CACHD1: variants seen among roughly 807,000 people sequenced by gnomAD.
CACHD1 encodes VWFA and cache domain-containing protein 1.
A neutral mutation model predicts 138.7 loss-of-function variants in CACHD1; 71 were observed. The ratio of observed to expected loss-of-function variants is 0.51; its 90% confidence interval spans 0.42 to 0.62. The LOEUF (loss-of-function observed/expected upper bound fraction) is 0.62, where lower values mean the gene tolerates loss of function less well. CACHD1 is among the 20% of genes least tolerant of loss of function. The pLI is 0.00. For synonymous variants in CACHD1, 578 were observed against 591.5 expected (o/e 0.98, Z 0.33); for missense variants, 1,389 against 1,625.3 (o/e 0.85, Z 2.50).
chr1:64,678,041 A>G lies in CACHD1; in HGVS notation c.3093-118A>G, dbSNP rs1650051739. 4 of 1,039,052 alleles carry G rather than the reference A, an allele frequency of 3.8e-6. No individual in the cohort carries two copies. The South Asian group carries it at 7.1e-5, about 18-fold the overall frequency. 64.4% of individuals were successfully genotyped at this position (1,039,052 alleles called of 1,614,324 possible). A position where few individuals can be genotyped will look rare whatever the true frequency, so the allele number is the denominator to read the frequency against. On this transcript the variant is annotated intron_variant, in intron 22 of 26. Coordinates refer to ENST00000651257, the MANE Select transcript of CACHD1 (RefSeq NM_020925.4). Reference sequence around the variant, plus strand: ...TATAAGGAAAGGAAACTAAAGCTCAAGAAATTCACAGCACTAGTAAGTAAT... The same window carrying G: ...TATAAGGAAAGGAAACTAAAGCTCAGGAAATTCACAGCACTAGTAAGTAAT...
chr1:64,673,827 G>C (rs1248724612), intron 19 of CACHD1, among the ~76,000 whole-genome samples: 1 of 152,116 alleles, frequency 6.6e-6, no homozygotes, highest in African/African-American at 2.4e-5. Context: ...AGATCACTCG[G>C]GCTCCTTAAA....
At chr1:64,677,701 A>G (rs1650042162) in intron 22 of CACHD1, among the ~76,000 whole-genome samples, 1 of 152,232 alleles carries the variant, frequency 6.6e-6, no homozygotes, top group Non-Finnish European at 1.5e-5. Context: ...TGAGACAGTC[A>G]CAATGCATGT....
intron 4 of CACHD1, among the ~76,000 whole-genome samples, chr1:64,619,505 A>C (rs964625044): frequency 5.3e-5 from 8 of 152,136 alleles, no homozygotes; most frequent in Admixed American, 5.2e-4. Flanking sequence ...ATTTTATGAT[A>C]TTACTTTGTC....
intron 4 of CACHD1, among the ~76,000 whole-genome samples, chr1:64,609,688 AT>A (rs1445379049): frequency 6.6e-6 from 1 of 152,196 alleles, no homozygotes; most frequent in African/African-American, 2.4e-5. Context: ...ATAAATACAA[AT>A]ATATATACAC....
intron 2 of CACHD1, among the ~76,000 whole-genome samples, chr1:64,568,196 C>T (rs899365215): frequency 1.3e-5 from 2 of 152,034 alleles, no homozygotes; most frequent in South Asian, 2.1e-4. Context: ...AAGTAAGTAC[C>T]TCCTAAATAA....
chr1:64,525,415 G>T (rs1251764922), intron 1 of CACHD1, among the ~76,000 whole-genome samples: 2 of 152,074 alleles, frequency 1.3e-5, no homozygotes, highest in African/African-American at 4.8e-5. Context: ...TTCCTCCCCG[G>T]TAAGATGAGC....
intron 16 of CACHD1, among the ~76,000 whole-genome samples, chr1:64,669,056 C>T (rs1329000921): frequency 6.6e-6 from 1 of 151,920 alleles, no homozygotes; most frequent in African/African-American, 2.4e-5. Flanking sequence ...GATATTAGAG[C>T]CTATCTCAAA....
chr1:64,560,100 A>G (rs114078621), intron 2 of CACHD1, among the ~76,000 whole-genome samples: 21 of 152,300 alleles, frequency 1.4e-4, no homozygotes, highest in African/African-American at 4.8e-4. Context: ...GATCAATAAA[A>G]TGGATCAACT....
intron 1 of CACHD1, among the ~76,000 whole-genome samples, chr1:64,489,876 G>T (rs553146144): frequency 6.6e-6 from 1 of 152,196 alleles, no homozygotes; most frequent in Non-Finnish European, 1.5e-5. Flanking sequence ...AAAAGGGGAA[G>T]TGTTATAATA....
chr1:64,617,176 G>A (rs1545103), intron 4 of CACHD1, among the ~76,000 whole-genome samples: 147,122 of 151,508 alleles, frequency 0.97, 71,593 homozygotes, highest in East Asian at 1. Flanking sequence ...AAAAAAACCA[G>A]CAAAACTATT....
chr1:64,549,980 G>A (rs1451379188), intron 1 of CACHD1, among the ~76,000 whole-genome samples: 1 of 152,118 alleles, frequency 6.6e-6, no homozygotes, highest in Non-Finnish European at 1.5e-5. Context: ...AGGGACCAGT[G>A]GAAGAATGTG....
chr1:64,635,414 C>T (rs1186724161), intron 7 of CACHD1, among the ~76,000 whole-genome samples: 38 of 137,358 alleles, frequency 2.8e-4, no homozygotes, highest in African/African-American at 1.0e-3. Flanking sequence ...GACAGAGTCT[C>T]ACTTTGTCAC....
chr1:64,649,569 A>G (rs1239420873), intron 9 of CACHD1, among the ~76,000 whole-genome samples: 2 of 152,156 alleles, frequency 1.3e-5, no homozygotes, highest in Non-Finnish European at 2.9e-5. Flanking sequence ...CAGTAAGCGT[A>G]AGTCTGATAA....
At chr1:64,677,531 C>CT (rs1306107016) in intron 22 of CACHD1, among the ~76,000 whole-genome samples, 1 of 152,148 alleles carries the variant, frequency 6.6e-6, no homozygotes, top group Admixed American at 6.5e-5. Flanking sequence ...GTAGCTGTAG[C>CT]TTGCCATTTT....
In CACHD1 at chr1:64,691,746, T is replaced by G. The variant is rs922648697; in HGVS notation, c.*185T>G. ...CGAGAGAAACAACAACACAGTCACA[T>G]TTGTGAAGATGTGAGGCTGGTTCTG... On this transcript the variant is annotated 3_prime_UTR_variant, in exon 27 of 27. Transcript: ENST00000651257. 6.5e-5 allele frequency: 39 copies of G among 602,902 alleles called. No individual in the cohort carries two copies. The highest frequency in any genetic ancestry group is 4.4e-4 in the Middle Eastern group (1 of 2,266). 37.3% of individuals were successfully genotyped at this position (602,902 alleles called of 1,614,324 possible). A position where few individuals can be genotyped will look rare whatever the true frequency, so the allele number is the denominator to read the frequency against.
At chr1:64,629,959 G>A (rs950883602) in intron 5 of CACHD1, among the ~76,000 whole-genome samples, 3 of 152,010 alleles carry the variant, frequency 2.0e-5, no homozygotes, top group Non-Finnish European at 4.4e-5. Flanking sequence ...AGAAAGCATT[G>A]GATTAAAAAT....
chr1:64,688,308 C>T (rs1480240160), intron 26 of CACHD1, among the ~76,000 whole-genome samples: 2 of 152,122 alleles, frequency 1.3e-5, no homozygotes, highest in African/African-American at 4.8e-5. Flanking sequence ...TTAATATGCA[C>T]AGCAGTTTGT....
At chr1:64,597,368 C>T (rs1432969693) in intron 3 of CACHD1, among the ~76,000 whole-genome samples, 1 of 151,996 alleles carries the variant, frequency 6.6e-6, no homozygotes, top group Non-Finnish European at 1.5e-5. Context: ...TCAGAGCAAA[C>T]GTCAATCAAG....
intron 2 of CACHD1, among the ~76,000 whole-genome samples, chr1:64,555,867 A>G (rs1338969156): frequency 1.3e-5 from 2 of 152,134 alleles, no homozygotes; most frequent in Admixed American, 6.5e-5. Context: ...AACAATCTGT[A>G]CTTTCTTCAT....
Sources: allele counts gnomAD v4.1 joint callset (sites outside exome capture counted in the v4.1 genomes callset), GRCh38; gene constraint gnomAD v4.1.1; transcripts MANE v1.5; gene names NCBI Gene and HGNC (gene_info 2026-07-23, HGNC 2026-07-21).